Variants in DENND1A observed in about 807,000 individuals in gnomAD.
DENND1A encodes DENN domain-containing protein 1A.
DENND1A carries 51 observed loss-of-function variants against 113.7 expected under a neutral mutation model. The ratio of observed to expected loss-of-function variants is 0.45; its 90% confidence interval spans 0.36 to 0.57. The LOEUF (loss-of-function observed/expected upper bound fraction) is 0.57, where lower values mean the gene tolerates loss of function less well. Among genes scored for constraint, DENND1A ranks in the 20% least tolerant of loss-of-function variants. DENND1A has a pLI of 0.00. For synonymous variants in DENND1A, 565 were observed against 570.8 expected (o/e 0.99, Z 0.14); for missense variants, 1,258 against 1,395.9 (o/e 0.90, Z 1.57).
chr9:123,899,454 G>A, intron 1 of DENND1A, among the ~76,000 whole-genome samples: 1 of 152,014 alleles, frequency 6.6e-6, no homozygotes, highest in Non-Finnish European at 1.5e-5. Context: ...GCTAGACAAA[G>A]GTGCCAAAAA....
chr9:123,881,474 G>T (rs1031282705), intron 1 of DENND1A, among the ~76,000 whole-genome samples: 1 of 152,108 alleles, frequency 6.6e-6, no homozygotes, highest in Non-Finnish European at 1.5e-5. Flanking sequence ...TTTGCAAATG[G>T]CTGAATTTCA....
intron 7 of DENND1A, among the ~76,000 whole-genome samples, chr9:123,668,167 A>G (rs1366739722): frequency 6.6e-6 from 1 of 152,146 alleles, no homozygotes; most frequent in Non-Finnish European, 1.5e-5. Context: ...AAGGCCAGGA[A>G]AGGTCACATG....
intron 13 of DENND1A, among the ~76,000 whole-genome samples, chr9:123,481,753 G>C (rs1193118818): frequency 6.6e-6 from 1 of 151,882 alleles, no homozygotes; most frequent in Admixed American, 6.6e-5. Flanking sequence ...TCAGCTTTTA[G>C]GAAAGCTGTA....
intron 2 of DENND1A, among the ~76,000 whole-genome samples, chr9:123,876,801 A>T (rs1847535568): frequency 6.6e-6 from 1 of 152,256 alleles, no homozygotes; most frequent in African/African-American, 2.4e-5. Context: ...TATTTACAAT[A>T]GCAAAGATAC....
At chr9:123,723,054 G>A (rs2067453034) in intron 5 of DENND1A, among the ~76,000 whole-genome samples, 1 of 152,204 alleles carries the variant, frequency 6.6e-6, no homozygotes, top group Admixed American at 6.5e-5. Context: ...AAGCCACAGG[G>A]GCAGAGCTGC....
intron 9 of DENND1A, among the ~76,000 whole-genome samples, chr9:123,644,156 T>C (rs2062173903): frequency 6.6e-6 from 1 of 151,938 alleles, no homozygotes; most frequent in Non-Finnish European, 1.5e-5. Flanking sequence ...GCTCCTAGGG[T>C]TGCTGCAAGA....
At chr9:123,389,798 C>T (rs1025330098) in intron 21 of DENND1A, among the ~76,000 whole-genome samples, 1 of 152,244 alleles carries the variant, frequency 6.6e-6, no homozygotes, top group African/African-American at 2.4e-5. Context: ...GACTGCTCTC[C>T]TGAGCAGGTG....
At chr9:123,662,000 A>C in intron 8 of DENND1A, among the ~76,000 whole-genome samples, 1 of 152,250 alleles carries the variant, frequency 6.6e-6, no homozygotes. Flanking sequence ...AAAAGTTCTC[A>C]GCTCTAAAGG....
chr9:123,799,960 T>C (rs1834363274), intron 2 of DENND1A, among the ~76,000 whole-genome samples: 1 of 152,236 alleles, frequency 6.6e-6, no homozygotes, highest in Non-Finnish European at 1.5e-5. Context: ...ATTCAATGAC[T>C]ACAGATGTAT....
intron 1 of DENND1A, among the ~76,000 whole-genome samples, chr9:123,890,600 G>A (rs371262278): frequency 2.6e-4 from 40 of 152,260 alleles, no homozygotes; most frequent in African/African-American, 8.7e-4. Context: ...ATATGTGTCA[G>A]ATATTTTTCT....
At position 123,381,707 on chromosome 9, in the gene DENND1A, A is replaced by G; in HGVS notation, c.2938T>C (p.Ser980Pro). ...GCCAGGGGCAACGTTCGGATCCTCG[A>G]CGGGGCAACTGCTGGGGGACCCAGC... The part of the protein sequence containing the change: ...QPLGPPAVAP[S>P]RIRTLPLARS... The change falls in exon 24 of 24, where the codon TCG becomes CCG. Residue 980 changes from serine (S) to proline (P), a missense_variant. Coordinates refer to ENST00000394215, the MANE Select transcript of DENND1A (RefSeq NM_001352964.2). This position sits in a 1 kb window ranked among gnomAD's most constrained non-coding sequence, Gnocchi z 4.7. 6.5e-7 allele frequency: 1 copy of G among 1,548,180 alleles called. No individual in the cohort carries two copies. The highest frequency in any genetic ancestry group is 1.2e-5 in the South Asian group (1 of 83,646).
chr9:123,708,126 T>C (rs997282504), intron 5 of DENND1A, among the ~76,000 whole-genome samples: 1 of 152,122 alleles, frequency 6.6e-6, no homozygotes. Context: ...AATAGCAGTG[T>C]TTGTTATAGC....
At chr9:123,564,476 T>C (rs571574184) in intron 12 of DENND1A, among the ~76,000 whole-genome samples, 1 of 152,368 alleles carries the variant, frequency 6.6e-6, no homozygotes, top group South Asian at 2.1e-4. Flanking sequence ...CATCCTCCTT[T>C]GTGGCTTTAG....
At chr9:123,823,940 T>C (rs1347595526) in intron 2 of DENND1A, among the ~76,000 whole-genome samples, 1 of 152,104 alleles carries the variant, frequency 6.6e-6, no homozygotes, top group African/African-American at 2.4e-5. Flanking sequence ...TAAGTTCAAT[T>C]TGAGATGTCT....
At chr9:123,502,027 C>T (rs964313830) in intron 13 of DENND1A, among the ~76,000 whole-genome samples, 1 of 152,174 alleles carries the variant, frequency 6.6e-6, no homozygotes, top group Non-Finnish European at 1.5e-5. Context: ...CTAGATAACC[C>T]TAATACAGGC....
intron 5 of DENND1A, among the ~76,000 whole-genome samples, chr9:123,690,333 G>A (rs2065113050): frequency 6.6e-6 from 1 of 151,992 alleles, no homozygotes; most frequent in Non-Finnish European, 1.5e-5. Context: ...CTTATGTATT[G>A]AGCATGCAGT....
At chr9:123,697,033 T>C (rs2065565539) in intron 5 of DENND1A, among the ~76,000 whole-genome samples, 1 of 152,202 alleles carries the variant, frequency 6.6e-6, no homozygotes, top group Admixed American at 6.5e-5. Flanking sequence ...TTTGGAGCTA[T>C]ACAAACCATA....
At chr9:123,508,951 T>C (rs2053207599) in intron 13 of DENND1A, among the ~76,000 whole-genome samples, 1 of 152,040 alleles carries the variant, frequency 6.6e-6, no homozygotes, top group Admixed American at 6.6e-5. Context: ...AAATACAAAA[T>C]AAAATTATGA....
chr9:123,413,610 G>A (rs2044483362), intron 19 of DENND1A: 2 of 985,544 alleles, frequency 2.0e-6, no homozygotes, highest in Non-Finnish European at 1.2e-6. Flanking sequence ...ACTTGGTGGA[G>A]GGTTCCCTGG....
Sources: allele counts gnomAD v4.1 joint callset (sites outside exome capture counted in the v4.1 genomes callset), GRCh38; gene constraint gnomAD v4.1.1; non-coding constraint Gnocchi (gnomAD v3.1); transcripts MANE v1.5; gene names NCBI Gene and HGNC (gene_info 2026-07-23, HGNC 2026-07-21).